Variants in CAPN8 observed in about 807,000 individuals in gnomAD.
CAPN8 encodes the protein calpain-8.
In CAPN8, 87 loss-of-function variants were observed where a neutral mutation model predicts 80.9. The observed-to-expected ratio is 1.07, with a 90% CI of 0.90 to 1.28. The LOEUF is 1.28. Among genes scored for constraint, CAPN8 ranks in the 50% most tolerant of loss-of-function variants. The pLI is 0.00. For missense variants in CAPN8, 757 were observed against 702.0 expected (o/e 1.08, Z -0.89); for synonymous variants, 299 against 273.8 (o/e 1.09, Z -0.91).
chr1:223,620,230 C>T lies in CAPN8; in HGVS notation c.936G>A (p.Lys312=). ...CCTCAACTTTCTTGTCCAGTTCTTC[C>T]TTCCGCCGGGGGTCTATGTGATTCC... ...PEWNHIDPRR[K]EELDKKVEDG... The change falls in exon 8 of 21, where the codon AAG becomes AAA. Residue 312 remains lysine, a synonymous_variant. Transcript: ENST00000366872. 2 of 1,551,672 alleles carry T rather than the reference C, an allele frequency of 1.3e-6. No individual in the cohort carries two copies. Among genetic ancestry groups the T allele is most frequent in the Non-Finnish European group, 8.7e-7 (1 of 1,146,986 alleles).
intron 8 of CAPN8, among the ~76,000 whole-genome samples, 160 bp from the exon 9 acceptor site, chr1:223,619,613 CA>C (rs1657319830): frequency 6.6e-6 from 1 of 152,216 alleles, no homozygotes; most frequent in African/African-American, 2.4e-5. Context: ...GCAGAGACAA[CA>C]GTCCACATTC....
chr1:223,659,234 C>T, intron 1 of CAPN8, among the ~76,000 whole-genome samples: 1 of 152,210 alleles, frequency 6.6e-6, no homozygotes, highest in Non-Finnish European at 1.5e-5. Flanking sequence ...CCACACTGCT[C>T]TCCTAGAGCG....
intron 2 of CAPN8, among the ~76,000 whole-genome samples, chr1:223,630,453 C>A (rs1657742903): frequency 6.6e-6 from 1 of 152,144 alleles, no homozygotes; most frequent in Non-Finnish European, 1.5e-5. Context: ...TCTCCCACCT[C>A]AGCCTCCTGA....
At chr1:223,646,350 C>T (rs1484752342) in intron 2 of CAPN8, among the ~76,000 whole-genome samples, 1 of 152,250 alleles carries the variant, frequency 6.6e-6, no homozygotes, top group Non-Finnish European at 1.5e-5. Flanking sequence ...ATGGCGGGAG[C>T]CAGCCTACTG....
chr1:223,625,079 C>T (rs370852309), intron 6 of CAPN8, among the ~76,000 whole-genome samples: 2 of 151,900 alleles, frequency 1.3e-5, no homozygotes, highest in African/African-American at 2.4e-5. Context: ...GGCGACAGAG[C>T]GAGACTCCGT....
chr1:223,619,078 C>T (rs1404866374), intron 9 of CAPN8, among the ~76,000 whole-genome samples: 1 of 152,092 alleles, frequency 6.6e-6, no homozygotes, highest in African/African-American at 2.4e-5. Flanking sequence ...CCTGTGGTCC[C>T]AGCTACTAAG....
Position 223,654,314 on chromosome 1 carries a change from C to G in CAPN8, c.307+16G>C, listed in dbSNP as rs879914535. On this transcript the variant is annotated intron_variant, in intron 2 of 20. Transcript: ENST00000366872. ...GCCCTCTCCCAAAACAAATAAGACT[C>G]TCCCCAGTTACTCACCTAGACCACC... The G allele has an allele frequency of 2.6e-6, 4 of 1,550,958 alleles. No homozygotes were observed. Among genetic ancestry groups the G allele is most frequent in the Non-Finnish European group, 3.5e-6 (4 of 1,146,506 alleles).
intron 14 of CAPN8, among the ~76,000 whole-genome samples, chr1:223,552,438 T>C (rs370928039): frequency 6.6e-6 from 1 of 151,662 alleles, no homozygotes; most frequent in Non-Finnish European, 1.5e-5. Context: ...GTGGCTGGCA[T>C]CTGCAGTCCC....
chr1:223,646,878 C>A (rs1017223690), intron 2 of CAPN8, among the ~76,000 whole-genome samples: 3 of 152,114 alleles, frequency 2.0e-5, no homozygotes, highest in Non-Finnish European at 4.4e-5. Flanking sequence ...TCGCCTAGAA[C>A]GCAGAACAGA....
chr1:223,638,476 T>C (rs1242624318), intron 2 of CAPN8, among the ~76,000 whole-genome samples: 2 of 152,022 alleles, frequency 1.3e-5, no homozygotes, highest in Non-Finnish European at 2.9e-5. Flanking sequence ...ATTTTTAGAG[T>C]GCCTCTGGAG....
intron 10 of CAPN8, among the ~76,000 whole-genome samples, chr1:223,613,994 T>C (rs898616129): frequency 2.0e-5 from 3 of 152,348 alleles, no homozygotes; most frequent in Admixed American, 6.5e-5. Flanking sequence ...GCAGCTATAA[T>C]TTGATGACTA....
At chr1:223,557,266 T>C (rs887052051) in intron 13 of CAPN8, among the ~76,000 whole-genome samples, 1 of 152,252 alleles carries the variant, frequency 6.6e-6, no homozygotes, top group African/African-American at 2.4e-5. Flanking sequence ...ATGTGATTTG[T>C]ATATGTGGTG....
intron 2 of CAPN8, among the ~76,000 whole-genome samples, chr1:223,633,339 T>C (rs956795737): frequency 5.9e-5 from 9 of 151,586 alleles, no homozygotes; most frequent in Admixed American, 2.0e-4. Context: ...CTGGAAGACC[T>C]GGATGGTAAT....
chr1:223,653,562 G>A (rs947980412), intron 2 of CAPN8, among the ~76,000 whole-genome samples: 4 of 151,942 alleles, frequency 2.6e-5, no homozygotes, highest in Non-Finnish European at 5.9e-5. Context: ...CTTCACTTCC[G>A]GTTCTGTATT....
chr1:223,631,080 C>T (rs903190991), intron 2 of CAPN8, among the ~76,000 whole-genome samples: 1 of 152,132 alleles, frequency 6.6e-6, no homozygotes, highest in African/African-American at 2.4e-5. Context: ...TTACACTCTC[C>T]GCTATGAATC....
chr1:223,630,233 T>G (rs1657733505), intron 2 of CAPN8, among the ~76,000 whole-genome samples: 1 of 152,044 alleles, frequency 6.6e-6, no homozygotes, highest in African/African-American at 2.4e-5. Flanking sequence ...CCCAAATTAA[T>G]TAATTCCTCT....
intron 13 of CAPN8, among the ~76,000 whole-genome samples, chr1:223,556,772 G>A (rs893513135): frequency 0.039 from 5,952 of 152,282 alleles, 162 homozygotes; most frequent in Non-Finnish European, 0.061. Flanking sequence ...CAAAAAAGGA[G>A]AGAAGATAAT....
rs1484422113 is a variant in CAPN8 at position 223,627,092 on chromosome 1, C to G, written c.626G>C (p.Gly209Ala). Residue 209 changes from glycine to alanine, a missense_variant, in exon 5 of 21, where the codon GGT becomes GCT. Transcript: ENST00000366872. ...STVEGFEDFT[G>A]GISEFYDLKK... ...CAGGTCATAAAACTCAGAGATGCCA[C>G]CTGTGAAATCCTCAAACCCCTCCAC... 7 of 1,552,202 alleles carry G rather than the reference C, an allele frequency of 4.5e-6. No individual in the cohort carries two copies. Among genetic ancestry groups the G allele is most frequent in the Non-Finnish European group, 6.1e-6 (7 of 1,147,144 alleles).
intron 2 of CAPN8, among the ~76,000 whole-genome samples, chr1:223,648,432 G>C (rs1652716896): frequency 6.6e-6 from 1 of 152,190 alleles, no homozygotes; most frequent in Non-Finnish European, 1.5e-5. Context: ...CAGTCCTAGT[G>C]AATTGATTTA....
Sources: allele counts gnomAD v4.1 joint callset (sites outside exome capture counted in the v4.1 genomes callset), GRCh38; gene constraint gnomAD v4.1.1; transcripts MANE v1.5; gene names NCBI Gene and HGNC (gene_info 2026-07-23, HGNC 2026-07-21).